DOCK8: variants seen among roughly 807,000 people sequenced by gnomAD.
The protein encoded by DOCK8 is dedicator of cytokinesis 8, also known as dedicator of cytokinesis protein 8.
A neutral mutation model predicts 245.6 loss-of-function variants in DOCK8; 141 were observed. The observed-to-expected ratio is 0.57, with a 90% CI of 0.50 to 0.66. The LOEUF (loss-of-function observed/expected upper bound fraction) is 0.66. DOCK8 is among the 30% of genes least tolerant of loss of function. The pLI is 0.00. For missense variants in DOCK8, 2,965 were observed against 2,603.4 expected (o/e 1.14, Z -3.02); for synonymous variants, 1,168 against 970.2 (o/e 1.20, Z -3.79).
chr9:304,432 A>G, intron 4 of DOCK8, 149 bp from the exon 5 acceptor site: 1 of 1,080,706 alleles, frequency 9.3e-7, no homozygotes, highest in Non-Finnish European at 1.4e-6. Context: ...CTGGAGAATA[A>G]TTAAATGTGA....
chr9:284,873 T>C (rs1160336178), intron 2 of DOCK8, among the ~76,000 whole-genome samples: 2 of 152,190 alleles, frequency 1.3e-5, no homozygotes, highest in Admixed American at 6.5e-5. Context: ...TTCTCACTTA[T>C]AAGTGGGAGC....
At position 446,421 on chromosome 9, in the gene DOCK8, A is replaced by C. The variant is rs1305598567; in HGVS notation, c.5632A>C (p.Lys1878Gln). The C allele has an allele frequency of 1.2e-6, 2 of 1,614,224 alleles. No homozygotes were observed. The highest frequency in any genetic ancestry group is 1.7e-6 in the Non-Finnish European group (2 of 1,180,042). ...VEPYFDEYEM[K>Q]DRVTYFEKNF... ...GCCCTACTTTGATGAGTATGAGATG[A>C]AAGACAGGGTCACATACTTTGAGAA... The change falls in exon 44 of 48, where the codon AAA becomes CAA. Residue 1878 changes from lysine to glutamine, a missense_variant. Coordinates refer to ENST00000432829, the MANE Select transcript of DOCK8 (RefSeq NM_203447.4).
intron 6 of DOCK8, chr9:312,734 G>C: frequency 3.0e-6 from 1 of 329,812 alleles, no homozygotes; most frequent in South Asian, 2.6e-5. Context: ...GGATAATGTA[G>C]ACTTTGCCTG....
At chr9:214,396 G>C, upstream of DOCK8, 1 of 905,274 alleles carries the variant, frequency 1.1e-6, no homozygotes, top group Non-Finnish European at 1.7e-6. Flanking sequence ...AAGGATGATG[G>C]GCATATTGCT....
At chr9:360,742 C>G (rs1380311578) in intron 14 of DOCK8, among the ~76,000 whole-genome samples, 1 of 152,180 alleles carries the variant, frequency 6.6e-6, no homozygotes, top group Non-Finnish European at 1.5e-5. Flanking sequence ...ATCCTGAGAG[C>G]TTAAATGGCC....
At chr9:290,854 A>T (rs770611077) in intron 4 of DOCK8, among the ~76,000 whole-genome samples, 3 of 152,210 alleles carry the variant, frequency 2.0e-5, no homozygotes, top group Non-Finnish European at 4.4e-5. Flanking sequence ...GGTTTTATCT[A>T]GCTCCTGGAA....
chr9:296,938 C>G (rs78676617), intron 4 of DOCK8, among the ~76,000 whole-genome samples: 4,487 of 152,192 alleles, frequency 0.029, 105 homozygotes, highest in South Asian at 0.059. Flanking sequence ...CATGTGGGTT[C>G]TGATTTTCCA....
chr9:289,412 A>C, intron 3 of DOCK8, 98 bp from the exon 4 acceptor site: 1 of 941,334 alleles, frequency 1.1e-6, no homozygotes. Flanking sequence ...CTCACTGATA[A>C]GGATTTAAAT....
At chr9:296,675 T>C (rs2049272230) in intron 4 of DOCK8, among the ~76,000 whole-genome samples, 1 of 152,236 alleles carries the variant, frequency 6.6e-6, no homozygotes, top group Non-Finnish European at 1.5e-5. Context: ...CCCTGATCAA[T>C]AATTGCTTAT....
At chr9:295,326 T>TGGG in intron 4 of DOCK8, among the ~76,000 whole-genome samples, 1 of 152,196 alleles carries the variant, frequency 6.6e-6, no homozygotes, top group Admixed American at 6.5e-5. Context: ...GGAGTGCCCT[T>TGGG]TGCGTGGTGC....
chr9:403,970 ATATATGTG>A (rs1227251409), intron 26 of DOCK8, among the ~76,000 whole-genome samples: 2 of 71,234 alleles, frequency 2.8e-5, no homozygotes, highest in African/African-American at 2.1e-4. Flanking sequence ...GTATATATAT[ATATATGTG>A]TATATATATA....
At chr9:359,204 A>G (rs879440539) in intron 14 of DOCK8, among the ~76,000 whole-genome samples, 3 of 152,220 alleles carry the variant, frequency 2.0e-5, no homozygotes, top group African/African-American at 4.8e-5. Context: ...TTGGAGTAAC[A>G]TCCCTTTAGC....
At chr9:400,019 CCACCTCCACCAT>C (rs1258280412) in intron 26 of DOCK8, among the ~76,000 whole-genome samples, 2 of 126,246 alleles carry the variant, frequency 1.6e-5, no homozygotes, top group African/African-American at 3.7e-5. Flanking sequence ...ACCATCACCA[CCACCTCCACCAT>C]CACCACCACC....
intron 1 of DOCK8, among the ~76,000 whole-genome samples, chr9:241,454 T>G (rs1392556929): frequency 1.3e-5 from 2 of 152,220 alleles, no homozygotes; most frequent in African/African-American, 4.8e-5. Flanking sequence ...GTTTTTTAGC[T>G]TCTGCATGTG....
upstream of DOCK8, chr9:213,677 G>C (rs557300200): frequency 4.0e-5 from 6 of 151,874 alleles, no homozygotes; most frequent in Non-Finnish European, 5.9e-5. Context: ...CATGTGGCTA[G>C]TGGCTATCAT....
At chr9:281,865 C>T (rs1404654516) in intron 2 of DOCK8, among the ~76,000 whole-genome samples, 1 of 152,214 alleles carries the variant, frequency 6.6e-6, no homozygotes, top group Admixed American at 6.5e-5. Flanking sequence ...TGACCAGTTT[C>T]CTCCCACTTT....
At chr9:236,225 G>T (rs1024183485) in intron 1 of DOCK8, among the ~76,000 whole-genome samples, 6 of 152,128 alleles carry the variant, frequency 3.9e-5, no homozygotes, top group Non-Finnish European at 8.8e-5. Flanking sequence ...ACTCTGTACA[G>T]TGAATCAGTA....
Position 460,878 on chromosome 9 carries a change from G to A in DOCK8, c.6069-2639G>A, listed in dbSNP as rs556577059. ...ATCTCCATAACTTAGTCCAAATCTG[G>A]TACCACTGTTAGGAAAATAATGTAA... On this transcript the variant is annotated intron_variant, in intron 46 of 47. Transcript: ENST00000432829. 2.1e-3 allele frequency among the ~76,000 whole-genome samples: 320 copies of A among 152,280 alleles called. 1 individual carries two copies. The highest frequency in any genetic ancestry group is 6.8e-3 in the Middle Eastern group (2 of 294).
intron 26 of DOCK8, among the ~76,000 whole-genome samples, chr9:402,099 C>G (rs2055138810): frequency 6.6e-6 from 1 of 152,242 alleles, no homozygotes; most frequent in Non-Finnish European, 1.5e-5. Flanking sequence ...CAGACCCAGG[C>G]TTAGCTACTC....
Sources: gnomAD v4.1 joint callset for allele counts (sites outside exome capture counted in the v4.1 genomes callset) on GRCh38, gnomAD v4.1.1 for gene constraint, MANE v1.5 for transcripts, NCBI Gene and HGNC (gene_info 2026-07-23, HGNC 2026-07-21) for gene names.